Variants in PDE8B observed in about 807,000 individuals in gnomAD.
The protein encoded by PDE8B is phosphodiesterase 8B, also known as high affinity cAMP-specific and IBMX-insensitive 3',5'-cyclic phosphodiesterase 8B.
In PDE8B, 26 loss-of-function variants were observed where a neutral mutation model predicts 101.3. The observed-to-expected ratio is 0.26, with a 90% CI of 0.19 to 0.36. The LOEUF is 0.36. Among genes scored for constraint, PDE8B ranks in the 10% least tolerant of loss-of-function variants. PDE8B has a pLI of 1.00. For synonymous variants in PDE8B, 424 were observed against 429.3 expected (o/e 0.99, Z 0.15); for missense variants, 810 against 1,163.1 (o/e 0.70, Z 4.42).
At chr5:77,312,596 A>G (rs1356439313) in intron 2 of PDE8B, among the ~76,000 whole-genome samples, 1 of 152,238 alleles carries the variant, frequency 6.6e-6, no homozygotes, top group Non-Finnish European at 1.5e-5. Context: ...ATGAGTCACA[A>G]CTGGGTGGGA....
At chr5:77,135,780 T>A in the PDE8B span, among the ~76,000 whole-genome samples, 1 of 147,454 alleles carries the variant, frequency 6.8e-6, no homozygotes, top group Non-Finnish European at 1.5e-5. Context: ...TGGCTGGAAT[T>A]TTTTTTTTTT....
chr5:77,285,081 G>A (rs1168372675), intron 1 of PDE8B, among the ~76,000 whole-genome samples: 1 of 152,124 alleles, frequency 6.6e-6, no homozygotes, highest in East Asian at 1.9e-4. Context: ...TTCATTTTCA[G>A]AAGTGTCCCA....
chr5:77,424,508 C>T (rs1262574190), intron 20 of PDE8B, among the ~76,000 whole-genome samples: 1 of 152,210 alleles, frequency 6.6e-6, no homozygotes, highest in Non-Finnish European at 1.5e-5. Flanking sequence ...CAGATTTCCA[C>T]ACACCTCAAA....
intron 1 of PDE8B, among the ~76,000 whole-genome samples, chr5:77,259,455 C>G (rs1453283006): frequency 6.6e-6 from 1 of 152,220 alleles, no homozygotes; most frequent in Non-Finnish European, 1.5e-5. Context: ...TCTGCACCTT[C>G]TCTGGTGGCA....
At position 77,426,779 on chromosome 5, in the gene PDE8B, C is replaced by T; in HGVS notation, c.*225C>T. On this transcript the variant is annotated 3_prime_UTR_variant, in exon 22 of 22. Coordinates refer to ENST00000264917, the MANE Select transcript of PDE8B (RefSeq NM_003719.5). Reference sequence around the variant, plus strand: ...TGAATACTTAATGACAGAACAAATACTTGGCAAACTCCTTTGCTCTGCTGT... The same window carrying T: ...TGAATACTTAATGACAGAACAAATATTTGGCAAACTCCTTTGCTCTGCTGT... 2.0e-6 allele frequency: 1 copy of T among 508,720 alleles called. No individual in the cohort carries two copies. The highest frequency in any genetic ancestry group is 3.7e-5 in the East Asian group (1 of 27,050). The allele number at this position is 508,720 out of a possible 1,614,324, so 31.5% of individuals were successfully genotyped here.
intron 1 of PDE8B, among the ~76,000 whole-genome samples, chr5:77,311,414 T>C (rs944891665): frequency 6.6e-6 from 1 of 152,224 alleles, no homozygotes; most frequent in Non-Finnish European, 1.5e-5. Flanking sequence ...CTCAGTTTAT[T>C]TGTGGAACTA....
At chr5:77,381,538 C>T (rs908223833) in intron 10 of PDE8B, among the ~76,000 whole-genome samples, 2 of 152,074 alleles carry the variant, frequency 1.3e-5, no homozygotes, top group African/African-American at 4.8e-5. Context: ...TATTTCCTTA[C>T]TTGTTTGTTA....
upstream of PDE8B, among the ~76,000 whole-genome samples, chr5:77,209,971 C>T (rs1747894936): frequency 6.6e-6 from 1 of 152,182 alleles, no homozygotes; most frequent in Non-Finnish European, 1.5e-5. Flanking sequence ...GGGTCACCAT[C>T]CAACTCAGCC....
At chr5:77,348,649 C>G (rs55932109) in intron 7 of PDE8B, among the ~76,000 whole-genome samples, 2 of 152,168 alleles carry the variant, frequency 1.3e-5, no homozygotes, top group East Asian at 3.8e-4. Flanking sequence ...GTGCATAATA[C>G]AAGCCGCCAC....
At chr5:77,298,356 G>A (rs977932132) in intron 1 of PDE8B, among the ~76,000 whole-genome samples, 2 of 152,172 alleles carry the variant, frequency 1.3e-5, no homozygotes, top group East Asian at 3.9e-4. Flanking sequence ...GTTACCCTAA[G>A]TTTCTTCCTG....
intron 1 of PDE8B, 96 bp from the exon 2 acceptor site, chr5:77,311,898 C>T (rs1772716476): frequency 2.1e-6 from 2 of 954,512 alleles, no homozygotes; most frequent in South Asian, 1.3e-5. Flanking sequence ...CAATTTAGTG[C>T]ACACGGTGGC....
At chr5:77,387,252 C>T (rs1317234842) in intron 10 of PDE8B, among the ~76,000 whole-genome samples, 4 of 152,082 alleles carry the variant, frequency 2.6e-5, no homozygotes, top group Non-Finnish European at 5.9e-5. Context: ...TCTTGTAAGG[C>T]AGGCCTGGTG....
chr5:77,418,567 A>AT lies in PDE8B; in HGVS notation c.2129+122dup. On this transcript the variant is annotated intron_variant, in intron 18 of 21. Coordinates refer to ENST00000264917, the MANE Select transcript of PDE8B (RefSeq NM_003719.5). ...CTGTCCCACTGTACCAGATGATAAA[A>AT]TAACCTTGCCCTTAACTTAATTTGA... 6.6e-6 allele frequency: 5 copies of AT among 755,982 alleles called. No homozygotes were observed. The South Asian group carries it at 7.4e-5, about 11-fold the overall frequency. The allele number at this position is 755,982 out of a possible 1,614,324, so 46.8% of individuals were successfully genotyped here.
At chr5:77,399,862 A>T (rs2150997041) in intron 10 of PDE8B, among the ~76,000 whole-genome samples, 1 of 152,374 alleles carries the variant, frequency 6.6e-6, no homozygotes, top group Middle Eastern at 3.4e-3. Flanking sequence ...GCACAGAAAA[A>T]TTTTATAACG....
intron 17 of PDE8B, among the ~76,000 whole-genome samples, chr5:77,414,505 C>T (rs1795137020): frequency 6.6e-6 from 1 of 152,138 alleles, no homozygotes; most frequent in Non-Finnish European, 1.5e-5. Context: ...ACTGCAAACT[C>T]CACCTCCCAG....
intron 1 of PDE8B, among the ~76,000 whole-genome samples, chr5:77,284,571 A>T (rs1252133736): frequency 1.3e-5 from 2 of 152,248 alleles, no homozygotes; most frequent in Admixed American, 6.5e-5. Flanking sequence ...AAGTGAACAC[A>T]TTCATAACTA....
chr5:77,424,041 C>T (rs1201675507), intron 20 of PDE8B, among the ~76,000 whole-genome samples: 1 of 151,912 alleles, frequency 6.6e-6, no homozygotes, highest in East Asian at 1.9e-4. Context: ...GGGAAGAGAG[C>T]CTCTGAATTG....
At chr5:77,228,604 T>C (rs903197961) in intron 1 of PDE8B, among the ~76,000 whole-genome samples, 3 of 151,936 alleles carry the variant, frequency 2.0e-5, no homozygotes, top group Non-Finnish European at 4.4e-5. Flanking sequence ...GAGCAAACAT[T>C]GAGGGGGTAA....
intron 7 of PDE8B, among the ~76,000 whole-genome samples, chr5:77,345,661 A>C (rs2150398784): frequency 6.6e-6 from 1 of 152,378 alleles, no homozygotes; most frequent in African/African-American, 2.4e-5. Flanking sequence ...TGTAGCAGAG[A>C]AACCTTTCAA....
Sources: gnomAD v4.1 joint callset for allele counts (sites outside exome capture counted in the v4.1 genomes callset) on GRCh38, gnomAD v4.1.1 for gene constraint, MANE v1.5 for transcripts, NCBI Gene and HGNC (gene_info 2026-07-23, HGNC 2026-07-21) for gene names.